The following DERA variants were observed in gnomAD, a reference collection of about 807,000 sequenced individuals.
The protein encoded by DERA is deoxyribose-phosphate aldolase.
Under a neutral mutation model 41.1 loss-of-function variants are expected in DERA, and 15 were observed. The observed-to-expected ratio is 0.37, with a 90% CI of 0.24 to 0.56. DERA has a LOEUF of 0.56. Among genes scored for constraint, DERA ranks in the 20% least tolerant of loss-of-function variants. DERA has a pLI of 0.81. For missense variants in DERA, 396 were observed against 403.4 expected (o/e 0.98, Z 0.16); for synonymous variants, 139 against 137.4 (o/e 1.01, Z -0.08).
intron 5 of DERA, among the ~76,000 whole-genome samples, chr12:15,975,844 A>T (rs534069192): frequency 6.6e-6 from 1 of 152,292 alleles, no homozygotes; most frequent in Non-Finnish European, 1.5e-5. Flanking sequence ...CGTATCTTTG[A>T]CTTTGTCTGC....
rs1948818674 is a variant in DERA at position 15,993,849 on chromosome 12, C to T, written c.637+11413C>T. Among the ~76,000 whole-genome samples the T allele has an allele frequency of 6.6e-6, 1 of 152,170 alleles. No individual in the cohort carries two copies. The highest frequency in any genetic ancestry group is 2.4e-5 in the African/African-American group (1 of 41,430). On this transcript the variant is annotated intron_variant, in intron 6 of 8. Transcript: ENST00000428559. The surrounding 1 kb of genome is among the most constrained non-coding windows in gnomAD (Gnocchi z 4.4). ...AAGAAGTTATCGTATTTTCTGGCTT[C>T]CCAGCAATGCAGGAACTACTGATGG...
chr12:16,023,690 G>T (rs1949034301), intron 6 of DERA, among the ~76,000 whole-genome samples: 1 of 151,646 alleles, frequency 6.6e-6, no homozygotes, highest in Non-Finnish European at 1.5e-5. Context: ...TTTTAGCCGG[G>T]ATGGTCTCGA....
chr12:16,034,813 A>G (rs1031753423), intron 7 of DERA, among the ~76,000 whole-genome samples: 3 of 152,220 alleles, frequency 2.0e-5, no homozygotes, highest in African/African-American at 7.2e-5. Context: ...ACTTGCTGAC[A>G]CAAACTGAAC....
At chr12:16,015,484 A>T (rs572366609) in intron 6 of DERA, among the ~76,000 whole-genome samples, 1 of 152,126 alleles carries the variant, frequency 6.6e-6, no homozygotes, top group East Asian at 1.9e-4. Context: ...CTTCCTTTTC[A>T]TCTTCTGTCA....
At position 16,004,565 on chromosome 12, in the gene DERA, A is replaced by T. The variant is rs1197572429; in HGVS notation, c.637+22129A>T. 6.6e-6 allele frequency among the ~76,000 whole-genome samples: 1 copy of T among 152,214 alleles called. No homozygotes were observed. Among genetic ancestry groups the T allele is most frequent in the Non-Finnish European group, 1.5e-5 (1 of 68,022 alleles). On this transcript the variant is annotated intron_variant, in intron 6 of 8. Transcript: ENST00000428559. This position sits in a 1 kb window ranked among gnomAD's most constrained non-coding sequence, Gnocchi z 4.2. Reference sequence around the variant, plus strand: ...TTCTGACAGAGGAAGAAAGAAAAGGACTAACCACCTTTCTAAATGTTTAAT... The same window carrying T: ...TTCTGACAGAGGAAGAAAGAAAAGGTCTAACCACCTTTCTAAATGTTTAAT...
intron 6 of DERA, among the ~76,000 whole-genome samples, chr12:16,023,341 A>G (rs1484817482): frequency 6.6e-6 from 1 of 151,744 alleles, no homozygotes; most frequent in African/African-American, 2.4e-5. Flanking sequence ...ACACAGCCCA[A>G]CTCCTTGCCC....
chr12:15,964,286 A>T (rs967001827), intron 5 of DERA, among the ~76,000 whole-genome samples: 5 of 152,224 alleles, frequency 3.3e-5, no homozygotes, highest in African/African-American at 1.2e-4. Flanking sequence ...CTTGGCTGCA[A>T]GTAAGCTGGA....
chr12:15,951,081 A>AT (rs1948494380), intron 1 of DERA, among the ~76,000 whole-genome samples: 1 of 152,290 alleles, frequency 6.6e-6, no homozygotes, highest in Admixed American at 6.5e-5. Context: ...TGATCTAGGA[A>AT]TTCTGGGTCC....
intron 5 of DERA, among the ~76,000 whole-genome samples, chr12:15,968,254 T>C (rs559235029): frequency 1.3e-5 from 2 of 152,342 alleles, no homozygotes; most frequent in South Asian, 4.1e-4. Context: ...AGTTGATTAA[T>C]TAGTACATCT....
intron 1 of DERA, among the ~76,000 whole-genome samples, chr12:15,927,623 T>C (rs1245355528): frequency 6.6e-6 from 1 of 152,178 alleles, no homozygotes; most frequent in Non-Finnish European, 1.5e-5. Context: ...ATAGTTTGTA[T>C]GAAAAGTAAT....
At chr12:15,971,524 T>G (rs2136155224) in intron 5 of DERA, among the ~76,000 whole-genome samples, 1 of 149,256 alleles carries the variant, frequency 6.7e-6, no homozygotes, top group Non-Finnish European at 1.5e-5. Context: ...TTTTTTTTTT[T>G]TTTTTTTTTG....
chr12:15,956,508 A>T (rs1302894375), intron 1 of DERA: 1 of 345,076 alleles, frequency 2.9e-6, no homozygotes, highest in African/African-American at 2.1e-5. Flanking sequence ...AGATTCTGTA[A>T]GCCCCACCAT....
At position 15,928,411 on chromosome 12, in the gene DERA, C is replaced by T. The variant is rs1167398246; in HGVS notation, c.31+16997C>T. Among the ~76,000 whole-genome samples the T allele has an allele frequency of 6.6e-6, 1 of 152,158 alleles. No homozygotes were observed. The highest frequency in any genetic ancestry group is 1.5e-5 in the Non-Finnish European group (1 of 68,016). On this transcript the variant is annotated intron_variant, in intron 1 of 8. Coordinates refer to ENST00000428559, the MANE Select transcript of DERA (RefSeq NM_015954.4). The surrounding 1 kb of genome is among the most constrained non-coding windows in gnomAD (Gnocchi z 4.6). The stretch of plus-strand genomic sequence containing the variant: ...CTTACAGAGATTTTTGAACAAGAAA[C>T]AGAAAGGATTACTTTAAATTTCAAC...
chr12:16,008,105 G>A lies in DERA; in HGVS notation c.638-24437G>A, dbSNP rs1948924955. ...TGGCCTCAGGTGATCTGCCTGCCTT[G>A]GCCTCCCAAAGTGCTGGGATTACAG... On this transcript the variant is annotated intron_variant, in intron 6 of 8. Coordinates refer to ENST00000428559, the MANE Select transcript of DERA (RefSeq NM_015954.4). The surrounding 1 kb of genome is among the most constrained non-coding windows in gnomAD (Gnocchi z 4.8). Among the ~76,000 whole-genome samples, 1 of 152,078 alleles carries A rather than the reference G, an allele frequency of 6.6e-6. No homozygotes were observed. Among genetic ancestry groups the A allele is most frequent in the Non-Finnish European group, 1.5e-5 (1 of 68,014 alleles).
chr12:15,992,257 A>G lies in DERA; in HGVS notation c.637+9821A>G, dbSNP rs181942578. On this transcript the variant is annotated intron_variant, in intron 6 of 8. Transcript: ENST00000428559. This position sits in a 1 kb window ranked among gnomAD's most constrained non-coding sequence, Gnocchi z 4.3. The stretch of plus-strand genomic sequence containing the variant: ...TAAGGAAAAGTGAAAAGAAGCAAAA[A>G]GAAATTTGAAAATTTAGATGCCTCT... Among the ~76,000 whole-genome samples, 1 of 152,302 alleles carries G rather than the reference A, an allele frequency of 6.6e-6. No individual in the cohort carries two copies. The highest frequency in any genetic ancestry group is 1.5e-5 in the Non-Finnish European group (1 of 67,984).
At position 15,959,440 on chromosome 12, in the gene DERA, T is replaced by A. The variant is rs1262652229; in HGVS notation, c.278-389T>A. On this transcript the variant is annotated intron_variant, in intron 3 of 8. Transcript: ENST00000428559. This position sits in a 1 kb window ranked among gnomAD's most constrained non-coding sequence, Gnocchi z 4.5. Reference sequence around the variant, plus strand: ...AATTGTACTTATATTTGTCTTCATCTGTCCTTCTTCAAACTGTCCTTTCTT... The same window carrying A: ...AATTGTACTTATATTTGTCTTCATCAGTCCTTCTTCAAACTGTCCTTTCTT... 6.6e-6 allele frequency among the ~76,000 whole-genome samples: 1 copy of A among 152,242 alleles called. No homozygotes were observed. Among genetic ancestry groups the A allele is most frequent in the Non-Finnish European group, 1.5e-5 (1 of 68,028 alleles).
At position 16,008,045 on chromosome 12, in the gene DERA, G is replaced by A. The variant is rs1237402412; in HGVS notation, c.638-24497G>A. Among the ~76,000 whole-genome samples the A allele has an allele frequency of 6.6e-6, 1 of 152,140 alleles. No homozygotes were observed. Among genetic ancestry groups the A allele is most frequent in the Non-Finnish European group, 1.5e-5 (1 of 68,022 alleles). On this transcript the variant is annotated intron_variant, in intron 6 of 8. Coordinates refer to ENST00000428559, the MANE Select transcript of DERA (RefSeq NM_015954.4). The surrounding 1 kb of genome is among the most constrained non-coding windows in gnomAD (Gnocchi z 4.8). ...TTTTTGTATTTTTAGTAGAGACAGA[G>A]TTTTGCCCTGTTGGCCTGGCTGGTC...
At chr12:15,946,912 T>C (rs1948455218) in intron 1 of DERA, among the ~76,000 whole-genome samples, 1 of 152,226 alleles carries the variant, frequency 6.6e-6, no homozygotes, top group African/African-American at 2.4e-5. Context: ...TCCCAGAGAT[T>C]CTGGTATGTT....
intron 1 of DERA, among the ~76,000 whole-genome samples, chr12:15,933,433 T>C (rs1050718389): frequency 3.9e-5 from 6 of 152,244 alleles, no homozygotes; most frequent in African/African-American, 1.4e-4. Context: ...ATTAAATTAA[T>C]TTTTTCCTCC....
Sources: allele counts gnomAD v4.1 joint callset (sites outside exome capture counted in the v4.1 genomes callset), GRCh38; gene constraint gnomAD v4.1.1; non-coding constraint Gnocchi (gnomAD v3.1); transcripts MANE v1.5; gene names NCBI Gene and HGNC (gene_info 2026-07-23, HGNC 2026-07-21).